The following DAB1 variants were observed in gnomAD, a reference collection of about 807,000 sequenced individuals.
The protein encoded by DAB1 is DAB adaptor protein 1.
In DAB1, 15 loss-of-function variants were observed where a neutral mutation model predicts 64.6. The ratio of observed to expected loss-of-function variants is 0.23; its 90% CI spans 0.16 to 0.36. The LOEUF is 0.36. Ranked by LOEUF, DAB1 falls within the 10% of genes least tolerant of loss-of-function variation. DAB1 has a pLI of 1.00. For missense variants in DAB1, 596 were observed against 706.7 expected (o/e 0.84, Z 1.78); for synonymous variants, 235 against 251.9 (o/e 0.93, Z 0.64).
chr1:57,334,059 C>T (rs1676888833), intron 1 of DAB1, among the ~76,000 whole-genome samples: 1 of 152,186 alleles, frequency 6.6e-6, no homozygotes, highest in Non-Finnish European at 1.5e-5. Context: ...GCCTTGGACT[C>T]CCATTCTCTC....
chr1:58,391,965 C>A (rs1441678426), intron 3 of DAB1, among the ~76,000 whole-genome samples: 1 of 152,180 alleles, frequency 6.6e-6, no homozygotes, highest in Middle Eastern at 3.2e-3. Flanking sequence ...ACTAAGCAGC[C>A]ATCTTGAAAT....
At chr1:58,202,559 C>T (rs1465844326) in intron 4 of DAB1, among the ~76,000 whole-genome samples, 1 of 152,108 alleles carries the variant, frequency 6.6e-6, no homozygotes, top group East Asian at 1.9e-4. Flanking sequence ...GGCTTCCCCA[C>T]CTAAAAAATA....
At chr1:58,537,542 T>C (rs958783912) in intron 1 of DAB1, among the ~76,000 whole-genome samples, 3 of 148,442 alleles carry the variant, frequency 2.0e-5, no homozygotes, top group African/African-American at 7.6e-5. Flanking sequence ...GCAACAATAC[T>C]CTCTGCCACT....
intron 4 of DAB1, among the ~76,000 whole-genome samples, chr1:58,258,662 G>A (rs951061356): frequency 6.6e-6 from 1 of 152,222 alleles, no homozygotes; most frequent in Non-Finnish European, 1.5e-5. Flanking sequence ...GCTGGAGAAA[G>A]ACGAAGGTTT....
At chr1:57,730,287 T>G (rs142894754) in intron 6 of DAB1, among the ~76,000 whole-genome samples, 5 of 152,346 alleles carry the variant, frequency 3.3e-5, no homozygotes, top group African/African-American at 1.2e-4. Flanking sequence ...ACACTTGTTC[T>G]GTTAGGATAC....
intron 4 of DAB1, among the ~76,000 whole-genome samples, chr1:58,232,797 G>T (rs1659842481): frequency 6.6e-6 from 1 of 152,146 alleles, no homozygotes; most frequent in South Asian, 2.1e-4. Flanking sequence ...AAGAACAAAG[G>T]CTCTGTTCAA....
chr1:58,284,301 C>T (rs1414283565), intron 4 of DAB1, among the ~76,000 whole-genome samples: 1 of 152,260 alleles, frequency 6.6e-6, no homozygotes, highest in Non-Finnish European at 1.5e-5. Context: ...TGCCAGCTGG[C>T]CCATGGGCTC....
intron 4 of DAB1, among the ~76,000 whole-genome samples, chr1:58,264,088 T>C (rs1661107177): frequency 6.6e-6 from 1 of 152,224 alleles, no homozygotes; most frequent in Admixed American, 6.5e-5. Flanking sequence ...GAAAATGTAC[T>C]CCTTGTGGAT....
chr1:57,317,888 A>G (rs1675352539), intron 1 of DAB1, among the ~76,000 whole-genome samples: 1 of 152,136 alleles, frequency 6.6e-6, no homozygotes, highest in Non-Finnish European at 1.5e-5. Flanking sequence ...TGACAATGGA[A>G]GTCATTGTTG....
intron 7 of DAB1, among the ~76,000 whole-genome samples, chr1:57,433,277 A>C: frequency 6.6e-6 from 1 of 152,286 alleles, no homozygotes; most frequent in East Asian, 1.9e-4. Context: ...AAAGAAGAAC[A>C]AAGTTAGAAG....
intron 4 of DAB1, among the ~76,000 whole-genome samples, chr1:57,106,249 C>T (rs77459610): frequency 0.02 from 1,960 of 96,320 alleles, 34 homozygotes; most frequent in Admixed American, 0.099. Context: ...TTCATTTATC[C>T]CCCTAACACC....
chr1:58,506,038 G>A (rs770776805), intron 3 of DAB1: 17 of 834,514 alleles, frequency 2.0e-5, no homozygotes, highest in South Asian at 7.1e-5. Context: ...ATAATGTCCC[G>A]CCTTCTACGG....
chr1:58,236,429 A>C (rs148539282), intron 4 of DAB1, among the ~76,000 whole-genome samples: 2 of 152,208 alleles, frequency 1.3e-5, no homozygotes, highest in Non-Finnish European at 2.9e-5. Flanking sequence ...CATGGGGGAC[A>C]CAGCACCCGC....
chr1:58,285,836 A>G (rs1465383989), intron 4 of DAB1, among the ~76,000 whole-genome samples: 1 of 152,218 alleles, frequency 6.6e-6, no homozygotes, highest in African/African-American at 2.4e-5. Context: ...ATATGGAACC[A>G]AAGAAGAGCC....
At chr1:57,278,212 T>C (rs931229188) in intron 2 of DAB1, among the ~76,000 whole-genome samples, 3 of 152,328 alleles carry the variant, frequency 2.0e-5, no homozygotes, top group Admixed American at 1.3e-4. Flanking sequence ...ATGGGTGACA[T>C]TGAACATAAT....
intron 2 of DAB1, among the ~76,000 whole-genome samples, chr1:57,153,965 C>T (rs1659969238): frequency 6.6e-6 from 1 of 152,150 alleles, no homozygotes; most frequent in Non-Finnish European, 1.5e-5. Flanking sequence ...GGGTACACAA[C>T]ATGTTTTGAT....
At chr1:58,331,227 T>G (rs762584293) in intron 4 of DAB1, among the ~76,000 whole-genome samples, 6 of 152,188 alleles carry the variant, frequency 3.9e-5, no homozygotes, top group African/African-American at 7.2e-5. Flanking sequence ...TGATGGAAAT[T>G]ACCAGAAAAC....
At chr1:57,432,437 T>C (rs1214874472) in intron 7 of DAB1, among the ~76,000 whole-genome samples, 1 of 152,124 alleles carries the variant, frequency 6.6e-6, no homozygotes, top group Non-Finnish European at 1.5e-5. Flanking sequence ...GATGGTTAGA[T>C]GGGTAAACTG....
At chr1:57,158,292 T>G (rs898029838) in intron 2 of DAB1, among the ~76,000 whole-genome samples, 2 of 152,276 alleles carry the variant, frequency 1.3e-5, no homozygotes, top group South Asian at 2.1e-4. Flanking sequence ...TTGGAAGGAA[T>G]GGTCCCAGCT....
Sources: allele counts gnomAD v4.1 joint callset (sites outside exome capture counted in the v4.1 genomes callset), GRCh38; gene constraint gnomAD v4.1.1; transcripts MANE v1.5; gene names NCBI Gene and HGNC (gene_info 2026-07-23, HGNC 2026-07-21).